ETV5: variants seen among roughly 807,000 people sequenced by gnomAD.
ETV5 encodes ETS variant transcription factor 5.
A neutral mutation model predicts 70.0 loss-of-function variants in ETV5; 10 were observed. The observed-to-expected ratio is 0.14, with a 90% confidence interval of 0.09 to 0.24. The LOEUF is 0.24. Ranked by LOEUF, ETV5 falls within the 10% of genes least tolerant of loss-of-function variation. ETV5 has a pLI of 1.00. For missense variants in ETV5, 453 were observed against 651.2 expected (o/e 0.70, Z 3.31); for synonymous variants, 216 against 242.2 (o/e 0.89, Z 1.01).
intron 9 of ETV5, among the ~76,000 whole-genome samples, chr3:186,063,467 C>T (rs1713360303): frequency 6.6e-6 from 1 of 152,232 alleles, no homozygotes; most frequent in Non-Finnish European, 1.5e-5. Flanking sequence ...TTGCCTACTG[C>T]TCCTGCTCCT....
At chr3:186,097,562 T>C (rs1466376652) in intron 5 of ETV5, among the ~76,000 whole-genome samples, 2 of 152,068 alleles carry the variant, frequency 1.3e-5, no homozygotes, top group Non-Finnish European at 2.9e-5. Flanking sequence ...TAAACCACCC[T>C]CTCCTCTTAT....
At chr3:186,086,902 C>A (rs1714072755) in intron 5 of ETV5, among the ~76,000 whole-genome samples, 1 of 151,954 alleles carries the variant, frequency 6.6e-6, no homozygotes, top group Non-Finnish European at 1.5e-5. Flanking sequence ...GCCCGGGAGG[C>A]TGAGGCTACT....
At chr3:186,070,174 G>T (rs1713567239) in intron 7 of ETV5, among the ~76,000 whole-genome samples, 1 of 152,174 alleles carries the variant, frequency 6.6e-6, no homozygotes, top group Non-Finnish European at 1.5e-5. Context: ...TGAAAGGAAT[G>T]GTAGTAACGC....
intron 7 of ETV5, among the ~76,000 whole-genome samples, chr3:186,072,241 G>A (rs1339780508): frequency 6.6e-6 from 1 of 152,060 alleles, no homozygotes; most frequent in East Asian, 2.0e-4. Flanking sequence ...AATTAGCCAG[G>A]TGCAGTGTCG....
chr3:186,062,353 A>G (rs1049864944), intron 9 of ETV5, among the ~76,000 whole-genome samples: 1 of 152,094 alleles, frequency 6.6e-6, no homozygotes, highest in Non-Finnish European at 1.5e-5. Context: ...TCATTACCCT[A>G]TGGGGCAAAT....
intron 5 of ETV5, among the ~76,000 whole-genome samples, chr3:186,091,821 C>A (rs1714188908): frequency 2.0e-5 from 3 of 152,144 alleles, no homozygotes; most frequent in Non-Finnish European, 4.4e-5. Flanking sequence ...ATAAGACCAA[C>A]CTAAGATCCA....
chr3:186,105,381 C>T lies in ETV5; in HGVS notation c.182-26G>A, dbSNP rs939060697. 1 of 1,611,672 alleles carries T rather than the reference C, an allele frequency of 6.2e-7. No individual in the cohort carries two copies. The highest frequency in any genetic ancestry group is 8.5e-7 in the Non-Finnish European group (1 of 1,179,084). ...CTGGAAAATAGATTTTTATTTTAGACCTTTAAGTTTTATTAAAAAGCACAG... is the reference window on the plus strand; with the variant it reads ...CTGGAAAATAGATTTTTATTTTAGATCTTTAAGTTTTATTAAAAAGCACAG... On this transcript the variant is annotated intron_variant, in intron 4 of 12. Transcript: ENST00000306376. The surrounding 1 kb of genome is among the most constrained non-coding windows in gnomAD (Gnocchi z 4.5).
intron 7 of ETV5, among the ~76,000 whole-genome samples, chr3:186,068,145 G>A (rs1175891204): frequency 6.6e-6 from 1 of 152,210 alleles, no homozygotes; most frequent in Non-Finnish European, 1.5e-5. Flanking sequence ...AGATGATCAG[G>A]TATAACTACA....
intron 5 of ETV5, among the ~76,000 whole-genome samples, chr3:186,098,502 T>G (rs1356378176): frequency 6.6e-6 from 1 of 152,144 alleles, no homozygotes; most frequent in African/African-American, 2.4e-5. Context: ...TCACAGTTCC[T>G]TTTTTGGCTT....
chr3:186,064,374 A>T (rs370051899), intron 9 of ETV5, 43 bp downstream of exon 9: 9 of 1,539,654 alleles, frequency 5.8e-6, no homozygotes, highest in Non-Finnish European at 5.4e-6. Context: ...GGAAGAAAGG[A>T]GAGGAGAGAG....
At chr3:186,065,110 C>T (rs957233068) in intron 8 of ETV5, among the ~76,000 whole-genome samples, 2 of 152,094 alleles carry the variant, frequency 1.3e-5, no homozygotes, top group Non-Finnish European at 1.5e-5. Flanking sequence ...TTATCAGTGT[C>T]CATCGAGACG....
intron 6 of ETV5, among the ~76,000 whole-genome samples, chr3:186,080,409 G>A (rs542010333): frequency 3.3e-4 from 50 of 152,046 alleles, no homozygotes; most frequent in African/African-American, 1.2e-3. Flanking sequence ...AGGGTGGGTG[G>A]GTGAGGGGAG....
intron 1 of ETV5, 168 bp downstream of exon 1, chr3:186,108,772 C>G: frequency 1.6e-6 from 1 of 620,280 alleles, no homozygotes; most frequent in Non-Finnish European, 2.2e-6. Context: ...CAAACCGGAC[C>G]GGGCCGCGGG....
intron 9 of ETV5, 39 bp downstream of exon 9, chr3:186,064,371 AGGAGAGG>A: frequency 6.4e-7 from 1 of 1,551,792 alleles, no homozygotes; most frequent in Non-Finnish European, 8.9e-7. Flanking sequence ...AAAGGAAGAA[AGGAGAGG>A]AGAGAGGAGA....
Position 186,057,117 on chromosome 3 carries a change from C to T in ETV5, c.1167G>A (p.Trp389Ter). 6.2e-7 allele frequency: 1 copy of T among 1,614,190 alleles called. No individual in the cohort carries two copies. The highest frequency in any genetic ancestry group is 8.5e-7 in the Non-Finnish European group (1 of 1,180,018). ...GCTTGAACTCCATGCCTCGACCTGT[C>T]CAGGCAATGAAGTGGGCATTGGCTG... Reference protein sequence around the residue: ...DDPANAHFIAWTGRGMEFKLI... With the variant: ...DDPANAHFIA Residue 389 changes from tryptophan (W) to a stop codon, truncating the protein, a stop_gained, in exon 11 of 13, where the codon TGG becomes TGA. Coordinates refer to ENST00000306376, the MANE Select transcript of ETV5 (RefSeq NM_004454.3). LOFTEE classifies it high-confidence loss of function. This position sits in a 1 kb window ranked among gnomAD's most constrained non-coding sequence, Gnocchi z 4.9.
In ETV5 at chr3:186,068,026, T is replaced by C. The variant is rs1413493098; in HGVS notation, c.651-1954A>G. 2.6e-5 allele frequency among the ~76,000 whole-genome samples: 4 copies of C among 152,302 alleles called. No homozygotes were observed. In the East Asian group the frequency reaches 7.7e-4, roughly 29 times the overall value. Reference sequence around the variant, plus strand: ...ATAAACAAAAAGTTTAACTCATTAGTAATTAAAAAAGTAACAAAGTCAGAA... The same window carrying C: ...ATAAACAAAAAGTTTAACTCATTAGCAATTAAAAAAGTAACAAAGTCAGAA... On this transcript the variant is annotated intron_variant, in intron 7 of 12. Transcript: ENST00000306376.
intron 11 of ETV5, among the ~76,000 whole-genome samples, chr3:186,056,517 G>A (rs1166601796): frequency 1.3e-5 from 2 of 151,862 alleles, no homozygotes; most frequent in Non-Finnish European, 2.9e-5. Flanking sequence ...CAAAATGTTG[G>A]GATTACAGGT....
chr3:186,072,695 T>G (rs968979894), intron 7 of ETV5, among the ~76,000 whole-genome samples: 1 of 152,202 alleles, frequency 6.6e-6, no homozygotes, highest in Admixed American at 6.5e-5. Flanking sequence ...GAGAAGACAT[T>G]GAGAGATAAG....
chr3:186,082,535 C>T (rs1713957126), intron 5 of ETV5, among the ~76,000 whole-genome samples: 1 of 151,822 alleles, frequency 6.6e-6, no homozygotes, highest in Non-Finnish European at 1.5e-5. Flanking sequence ...ATTCTCCTGC[C>T]TCAGCCTGCC....
Sources: allele counts gnomAD v4.1 joint callset (sites outside exome capture counted in the v4.1 genomes callset), GRCh38; gene constraint gnomAD v4.1.1; non-coding constraint Gnocchi (gnomAD v3.1); transcripts MANE v1.5; gene names NCBI Gene and HGNC (gene_info 2026-07-23, HGNC 2026-07-21).